WIPF3: variants seen among roughly 807,000 people sequenced by gnomAD.
WIPF3 encodes the protein WAS/WASL interacting protein family member 3, also known as WAS/WASL-interacting protein family member 3.
In WIPF3, 33 loss-of-function variants were observed where a neutral mutation model predicts 38.9. The ratio of observed to expected loss-of-function variants is 0.85; its 90% CI spans 0.64 to 1.14. WIPF3 has a LOEUF of 1.14. Ranked by LOEUF, WIPF3 falls within the 50% of genes most tolerant of loss-of-function variation. The probability of loss-of-function intolerance (pLI) is 0.00; values close to 1 mark genes in which losing one functional copy is unlikely to be tolerated. For missense variants in WIPF3, 711 were observed against 652.5 expected (o/e 1.09, Z -0.98); for synonymous variants, 324 against 269.3 (o/e 1.20, Z -1.99).
At chr7:29,818,406 T>G (rs539210678) in intron 1 of WIPF3, among the ~76,000 whole-genome samples, 1 of 151,498 alleles carries the variant, frequency 6.6e-6, no homozygotes, top group African/African-American at 2.4e-5. Context: ...TGAGTTGAGA[T>G]CACACCGCTG....
intron 7 of WIPF3, among the ~76,000 whole-genome samples, chr7:29,902,322 A>T (rs1786303886): frequency 6.7e-6 from 1 of 148,846 alleles, no homozygotes. Context: ...CTAGCTAAAA[A>T]TCTAGCAGTT....
intron 1 of WIPF3, among the ~76,000 whole-genome samples, chr7:29,818,107 T>C (rs1159261964): frequency 2.0e-5 from 3 of 152,214 alleles, no homozygotes; most frequent in African/African-American, 7.2e-5. Flanking sequence ...GGATACTTTT[T>C]GGAGTTTATT....
chr7:29,870,623 A>G (rs1242669403), intron 2 of WIPF3, among the ~76,000 whole-genome samples: 1 of 152,182 alleles, frequency 6.6e-6, no homozygotes, highest in African/African-American at 2.4e-5. Flanking sequence ...TGTAAAGAAC[A>G]GGACCAGACT....
chr7:29,813,114 G>C (rs1186050754), intron 1 of WIPF3, among the ~76,000 whole-genome samples: 2 of 152,102 alleles, frequency 1.3e-5, no homozygotes, highest in African/African-American at 2.4e-5. Flanking sequence ...GGACCCAAGG[G>C]GTCACCCCAG....
At position 29,858,292 on chromosome 7, in the gene WIPF3, C is replaced by T. The variant is rs116439401; in HGVS notation, c.91-17538C>T. Among the ~76,000 whole-genome samples the T allele has an allele frequency of 5.6e-3, 859 of 152,318 alleles. 7 individuals carry two copies. The highest frequency in any genetic ancestry group is 0.02 in the African/African-American group (830 of 41,562). ...TTAAATGGCTTCTCCCCTCACCCCA[C>T]CCTCAACAAGGCTGTAGCCTCTTCC... On this transcript the variant is annotated intron_variant, in intron 2 of 8. Transcript: ENST00000242140.
At chr7:29,861,829 G>T (rs73303175) in intron 2 of WIPF3, among the ~76,000 whole-genome samples, 1,726 of 152,304 alleles carry the variant, frequency 0.011, 37 homozygotes, top group African/African-American at 0.04. Context: ...CTTATAAGCT[G>T]CAAATGTTTG....
intron 2 of WIPF3, among the ~76,000 whole-genome samples, chr7:29,865,989 T>A (rs1785380459): frequency 6.6e-6 from 1 of 152,132 alleles, no homozygotes; most frequent in South Asian, 2.1e-4. Context: ...TGAAACCCTG[T>A]CTCTACTAAA....
intron 1 of WIPF3, among the ~76,000 whole-genome samples, chr7:29,810,688 CTTTAAGAAATTATTTA>C (rs1363950902): frequency 2.0e-5 from 3 of 152,174 alleles, no homozygotes; most frequent in African/African-American, 7.2e-5. Flanking sequence ...GCCTCTGCTT[CTTTAAGAAATTATTTA>C]TTCTTTTGTA....
intron 2 of WIPF3, among the ~76,000 whole-genome samples, chr7:29,869,118 C>T (rs1375397072): frequency 6.6e-6 from 1 of 152,088 alleles, no homozygotes; most frequent in Non-Finnish European, 1.5e-5. Context: ...CAACCTCTGC[C>T]TCCCGGGTTC....
At chr7:29,879,205 G>A in intron 4 of WIPF3, 65 bp downstream of exon 4, 1 of 1,559,266 alleles carries the variant, frequency 6.4e-7, no homozygotes, top group Non-Finnish European at 8.8e-7. Flanking sequence ...AACCATCTGG[G>A]CAATCCACAC....
At chr7:29,912,567 T>C (rs1375459521) in intron 8 of WIPF3, 2 of 213,926 alleles carry the variant, frequency 9.3e-6, no homozygotes, top group East Asian at 2.2e-4. Flanking sequence ...TGAGTATTCA[T>C]GTGCATGTGT....
chr7:29,871,433 G>A (rs1785495313), intron 2 of WIPF3, among the ~76,000 whole-genome samples: 2 of 152,238 alleles, frequency 1.3e-5, no homozygotes, highest in Admixed American at 1.3e-4. Flanking sequence ...CATTGGAGAA[G>A]CTACTTTTAG....
At chr7:29,822,123 G>GTTTTTTTTTTTTTTTTTTTTT in intron 1 of WIPF3, among the ~76,000 whole-genome samples, 16 of 62,826 alleles carry the variant, frequency 2.5e-4, no homozygotes, top group Non-Finnish European at 3.5e-4. Flanking sequence ...TTTTTTCTTA[G>GTTTTTTTTTTTTTTTTTTTTT]TTTTTTTTTT....
At chr7:29,846,626 G>T (rs1313695945) in intron 2 of WIPF3, among the ~76,000 whole-genome samples, 1 of 152,210 alleles carries the variant, frequency 6.6e-6, no homozygotes, top group Non-Finnish European at 1.5e-5. Flanking sequence ...GCTTGAACCT[G>T]GGAGGCGGAG....
chr7:29,809,207 C>T (rs1445717553), intron 1 of WIPF3, among the ~76,000 whole-genome samples: 10 of 152,218 alleles, frequency 6.6e-5, no homozygotes, highest in South Asian at 6.2e-4. Context: ...CCTAATATTC[C>T]GAACTTAAAG....
chr7:29,883,817 GC>G (rs763822838), intron 4 of WIPF3, 32 bp from the exon 5 acceptor site: 2 of 1,510,452 alleles, frequency 1.3e-6, no homozygotes, highest in Non-Finnish European at 1.8e-6. Flanking sequence ...CTTCTTTATT[GC>G]CGAGCTAACC....
chr7:29,901,077 A>G (rs1432791608), intron 7 of WIPF3, among the ~76,000 whole-genome samples: 2 of 152,210 alleles, frequency 1.3e-5, no homozygotes, highest in East Asian at 3.8e-4. Context: ...AGGAGATGGA[A>G]GCAGTGTCCA....
intron 3 of WIPF3, 66 bp downstream of exon 3, chr7:29,876,028 A>G: frequency 1.9e-6 from 3 of 1,584,602 alleles, no homozygotes; most frequent in Middle Eastern, 2.2e-4. Flanking sequence ...AGGCACAGCC[A>G]GACACCCCTG....
At chr7:29,818,277 A>G (rs1413321714) in intron 1 of WIPF3, among the ~76,000 whole-genome samples, 1 of 151,802 alleles carries the variant, frequency 6.6e-6, no homozygotes, top group East Asian at 1.9e-4. Flanking sequence ...ACATGGTGAA[A>G]CCCCCATCTC....
Sources: gnomAD v4.1 joint callset for allele counts (sites outside exome capture counted in the v4.1 genomes callset) on GRCh38, gnomAD v4.1.1 for gene constraint, MANE v1.5 for transcripts, NCBI Gene and HGNC (gene_info 2026-07-23, HGNC 2026-07-21) for gene names.